The following RNF43 variants were observed in gnomAD, a reference collection of about 807,000 sequenced individuals.
RNF43 encodes the protein E3 ubiquitin-protein ligase RNF43.
Under a neutral mutation model 78.4 loss-of-function variants are expected in RNF43, and 37 were observed. The observed-to-expected ratio is 0.47, with a 90% CI of 0.36 to 0.62. RNF43 has a LOEUF of 0.62. RNF43 is among the 20% of genes least tolerant of loss of function. The pLI is 0.00. For synonymous variants in RNF43, 347 were observed against 395.0 expected, an observed-to-expected ratio of 0.88 and a Z score of 1.44; for missense variants, 774 against 1,007.9, an observed-to-expected ratio of 0.77 and a Z score of 3.14.
chr17:58,380,163 T>C (rs1020479281), intron 2 of RNF43, among the ~76,000 whole-genome samples: 7 of 152,218 alleles, frequency 4.6e-5, no homozygotes, highest in African/African-American at 1.7e-4. Flanking sequence ...GGAAGTCAGC[T>C]GAGTTCTGAC....
At chr17:58,396,072 T>C (rs1322951803) in intron 2 of RNF43, among the ~76,000 whole-genome samples, 1 of 152,186 alleles carries the variant, frequency 6.6e-6, no homozygotes, top group Non-Finnish European at 1.5e-5. Flanking sequence ...AACAAAATGA[T>C]GGTTATTTTA....
intron 2 of RNF43, among the ~76,000 whole-genome samples, chr17:58,387,185 A>G (rs1406223280): frequency 6.6e-6 from 1 of 152,162 alleles, no homozygotes; most frequent in Non-Finnish European, 1.5e-5. Context: ...GTTAACAGAG[A>G]AGCTGAGTCA....
chr17:58,400,152 G>A (rs1343521361), intron 2 of RNF43, among the ~76,000 whole-genome samples: 1 of 152,136 alleles, frequency 6.6e-6, no homozygotes, highest in Non-Finnish European at 1.5e-5. Flanking sequence ...GGGCAGATAA[G>A]TGATTCACCG....
intron 2 of RNF43, among the ~76,000 whole-genome samples, chr17:58,390,203 G>A (rs1318580336): frequency 1.3e-5 from 2 of 152,104 alleles, no homozygotes; most frequent in African/African-American, 4.8e-5. Flanking sequence ...ATGGTGCCCC[G>A]AAAGCTGAGC....
chr17:58,413,039 T>C (rs1974055121), intron 2 of RNF43, among the ~76,000 whole-genome samples: 1 of 152,076 alleles, frequency 6.6e-6, no homozygotes, highest in Admixed American at 6.5e-5. Flanking sequence ...AGGGTACAGC[T>C]CTCCATTGAG....
intron 2 of RNF43, among the ~76,000 whole-genome samples, chr17:58,384,506 T>G (rs115533369): frequency 0.014 from 2,203 of 152,334 alleles, 69 homozygotes; most frequent in African/African-American, 0.051. Context: ...TTATTCAGCT[T>G]TGATGTTGCA....
chr17:58,355,275 C>T (rs980791997), intron 9 of RNF43, among the ~76,000 whole-genome samples: 2 of 152,198 alleles, frequency 1.3e-5, no homozygotes, highest in Non-Finnish European at 2.9e-5. Context: ...TCTGCTACCA[C>T]GTGCCAAATA....
At position 58,358,392 on chromosome 17, in the gene RNF43, G is replaced by C. The variant is rs746604650; in HGVS notation, c.1384C>G (p.Pro462Ala). The C allele has an allele frequency of 1.9e-6, 3 of 1,614,110 alleles. No individual in the cohort carries two copies. Among genetic ancestry groups the C allele is most frequent in the South Asian group, 2.2e-5 (2 of 91,088 alleles). Reference sequence around the variant, plus strand: ...GGCCCTGAGCTGGAGTCACTGGCTGGCCCATCTGCCAGGTACCCACTGCGT... The same window carrying C: ...GGCCCTGAGCTGGAGTCACTGGCTGCCCCATCTGCCAGGTACCCACTGCGT... The part of the protein sequence containing the change: ...TERSGYLADG[P>A]ASDSSSGPCH... The change falls in exon 9 of 10, where the codon CCA (proline) becomes GCA (alanine). Residue 462 changes from proline to alanine, a missense_variant. Pro to Ala is a conservative substitution (Grantham distance 27). Transcript: ENST00000407977. The surrounding 1 kb of genome is among the most constrained non-coding windows in gnomAD (Gnocchi z 6.2).
intron 2 of RNF43, among the ~76,000 whole-genome samples, chr17:58,395,963 C>T (rs2632530): frequency 0.023 from 3,503 of 149,328 alleles, 130 homozygotes; most frequent in African/African-American, 0.08. Flanking sequence ...AAGACACAAC[C>T]GTTAGGATGT....
intron 2 of RNF43, among the ~76,000 whole-genome samples, chr17:58,414,778 G>GT (rs1974090823): frequency 6.6e-6 from 1 of 152,190 alleles, no homozygotes; most frequent in Non-Finnish European, 1.5e-5. Flanking sequence ...TGTCCATTTT[G>GT]TAATCCAGTC....
At chr17:58,374,446 G>T (rs1211777387) in intron 2 of RNF43, among the ~76,000 whole-genome samples, 2 of 149,972 alleles carry the variant, frequency 1.3e-5, no homozygotes. Flanking sequence ...AGGCTGGAGT[G>T]CAGTGGTGCA....
Position 58,378,935 on chromosome 17 carries a change from G to A in RNF43, c.253-7902C>T, listed in dbSNP as rs1454666592. Among the ~76,000 whole-genome samples the A allele has an allele frequency of 2.6e-5, 4 of 152,198 alleles. No homozygotes were observed. The South Asian group carries it at 6.2e-4, about 24-fold the overall frequency. On this transcript the variant is annotated intron_variant, in intron 2 of 9. Transcript: ENST00000407977. ...AACTTGATTTGAATCCAGTTGCCAC[G>A]TAGTTTATAGAAGAGATGTAAATTG...
chr17:58,355,681 C>T (rs1051544127), intron 9 of RNF43, among the ~76,000 whole-genome samples: 1 of 152,150 alleles, frequency 6.6e-6, no homozygotes, highest in Non-Finnish European at 1.5e-5. Flanking sequence ...TTTTTCCTCT[C>T]TGTGGACAAA....
downstream of RNF43, chr17:58,353,231 CTG>C (rs756647423): frequency 4.6e-5 from 10 of 218,390 alleles, no homozygotes; most frequent in Admixed American, 4.6e-4. Flanking sequence ...CAGATGGGCT[CTG>C]TGACAGGTTT....
At chr17:58,401,440 A>G (rs1351775549) in intron 2 of RNF43, among the ~76,000 whole-genome samples, 6 of 152,204 alleles carry the variant, frequency 3.9e-5, no homozygotes, top group Non-Finnish European at 8.8e-5. Flanking sequence ...TTCTGGCAAC[A>G]CTTACGAGGC....
At chr17:58,392,752 T>C (rs1333289744) in intron 2 of RNF43, among the ~76,000 whole-genome samples, 2 of 152,242 alleles carry the variant, frequency 1.3e-5, no homozygotes, top group Non-Finnish European at 1.5e-5. Context: ...GTGAATATAA[T>C]AATCATTATT....
intron 2 of RNF43, 95 bp from the exon 3 acceptor site, chr17:58,371,128 A>C: frequency 7.8e-7 from 1 of 1,278,442 alleles, no homozygotes; most frequent in Non-Finnish European, 1.1e-6. Context: ...GGGAGGTACC[A>C]GGCAGGTCTC....
rs749634472 is a variant in RNF43, at chr17:58,358,355, G to A, written c.1421C>T (p.Ser474Phe). 4 of 1,614,188 alleles carry A rather than the reference G, an allele frequency of 2.5e-6. No individual in the cohort carries two copies. The South Asian group carries it at 3.3e-5, about 13-fold the overall frequency. ...SDSSSGPCHG[S>F]SSDSVVNCTD... is the part of the protein sequence containing the mutation. The stretch of plus-strand genomic sequence containing the variant: ...GCAGTTGACCACAGAGTCACTGGAA[G>A]AGCCATGACAGGGCCCTGAGCTGGA... Residue 474 changes from serine to phenylalanine, a missense_variant, in exon 9 of 10, where the codon TCT becomes TTT. Coordinates refer to ENST00000407977, the MANE Select transcript of RNF43 (RefSeq NM_017763.6). The surrounding 1 kb of genome is among the most constrained non-coding windows in gnomAD (Gnocchi z 6.2).
At chr17:58,383,480 T>C (rs187899292) in intron 2 of RNF43, among the ~76,000 whole-genome samples, 111 of 152,166 alleles carry the variant, frequency 7.3e-4, no homozygotes, top group Middle Eastern at 3.4e-3. Context: ...AATTTCTATT[T>C]TTGGTAAAGA....
Sources: allele counts gnomAD v4.1 joint callset (sites outside exome capture counted in the v4.1 genomes callset), GRCh38; gene constraint gnomAD v4.1.1; non-coding constraint Gnocchi (gnomAD v3.1); transcripts MANE v1.5; gene names NCBI Gene and HGNC (gene_info 2026-07-23, HGNC 2026-07-21).